The following ARHGAP15 variants were observed in gnomAD, a reference collection of about 807,000 sequenced individuals.
The protein encoded by ARHGAP15 is Rho GTPase activating protein 15.
Under a neutral mutation model 63.7 loss-of-function variants are expected in ARHGAP15, and 51 were observed. The observed-to-expected ratio is 0.80, with a 90% confidence interval of 0.64 to 1.01. The LOEUF is 1.01. Ranked by LOEUF, ARHGAP15 falls within the 50% of genes least tolerant of loss-of-function variation. The pLI is 0.00. For synonymous variants in ARHGAP15, 191 were observed against 193.8 expected (o/e 0.99, Z 0.12); for missense variants, 560 against 564.6 (o/e 0.99, Z 0.08).
chr2:143,423,169 T>C (rs982434910), intron 6 of ARHGAP15, among the ~76,000 whole-genome samples: 3 of 152,204 alleles, frequency 2.0e-5, no homozygotes, highest in South Asian at 2.1e-4. Context: ...TTCAGATAGA[T>C]GCATTGATAC....
intron 6 of ARHGAP15, among the ~76,000 whole-genome samples, chr2:143,328,580 G>C (rs776871086): frequency 6.6e-6 from 1 of 152,092 alleles, no homozygotes; most frequent in Non-Finnish European, 1.5e-5. Context: ...ACCAGAGCCT[G>C]TCAGGGGGTA....
rs1284052035 is a variant in ARHGAP15, at chr2:143,330,113, A to C, written c.474+79513A>C. 1.1e-4 allele frequency among the ~76,000 whole-genome samples: 10 copies of C among 90,448 alleles called. 1 individual carries two copies. Among genetic ancestry groups the C allele is most frequent in the African/African-American group, 4.0e-4 (10 of 25,132 alleles). The allele number at this position is 90,448 out of a possible 152,430, so 59.3% of individuals were successfully genotyped here. On this transcript the variant is annotated intron_variant, in intron 6 of 13. Coordinates refer to ENST00000295095, the MANE Select transcript of ARHGAP15 (RefSeq NM_018460.4). ...CTGTCTCAAAAAAAAAAAAAAAAAA[A>C]AAAAAAAAAAAAAAAAAACCAAAAA...
At chr2:143,331,012 C>T (rs1475369040) in intron 6 of ARHGAP15, among the ~76,000 whole-genome samples, 2 of 152,044 alleles carry the variant, frequency 1.3e-5, no homozygotes, top group African/African-American at 2.4e-5. Context: ...TAATATGGAC[C>T]TTTGAGTTGA....
intron 13 of ARHGAP15, among the ~76,000 whole-genome samples, chr2:143,742,150 C>A (rs998452599): frequency 2.0e-5 from 3 of 152,082 alleles, no homozygotes; most frequent in Non-Finnish European, 4.4e-5. Flanking sequence ...TAGGACACAC[C>A]AGAGGCAATA....
At chr2:143,657,454 C>G (rs1324309535) in intron 12 of ARHGAP15, among the ~76,000 whole-genome samples, 3 of 152,202 alleles carry the variant, frequency 2.0e-5, no homozygotes, top group Non-Finnish European at 4.4e-5. Flanking sequence ...TAGTATGTCG[C>G]TGATGTACAC....
Position 143,443,417 on chromosome 2 carries a change from G to A in ARHGAP15, c.703+6375G>A, listed in dbSNP as rs568668340. Among the ~76,000 whole-genome samples the A allele has an allele frequency of 2.5e-5, 3 of 117,810 alleles. No homozygotes were observed. The South Asian group carries it at 9.6e-4, about 38-fold the overall frequency. The allele number at this position is 117,810 out of a possible 152,430, so 77.3% of individuals were successfully genotyped here. ...GGACAAAGTTTTCTGATTTGGGTGA[G>A]AGGGTCACTCACCCTTTTTTTTTTT... On this transcript the variant is annotated intron_variant, in intron 8 of 13. Transcript: ENST00000295095.
intron 1 of ARHGAP15, among the ~76,000 whole-genome samples, chr2:143,140,058 G>A (rs1308930101): frequency 6.6e-6 from 1 of 152,098 alleles, no homozygotes; most frequent in Non-Finnish European, 1.5e-5. Context: ...AGTAGTAATT[G>A]TTTTATCAGG....
chr2:143,151,661 T>C (rs909998340), intron 1 of ARHGAP15, among the ~76,000 whole-genome samples: 3 of 151,936 alleles, frequency 2.0e-5, no homozygotes, highest in African/African-American at 7.2e-5. Flanking sequence ...AATGCTGCAG[T>C]GGGTGCTCTG....
At chr2:143,285,078 TGA>T (rs1682028203) in intron 6 of ARHGAP15, among the ~76,000 whole-genome samples, 2 of 152,168 alleles carry the variant, frequency 1.3e-5, no homozygotes. Context: ...GCAATCTTTG[TGA>T]CAAGATCGCT....
chr2:143,327,074 A>G (rs1684286045), intron 6 of ARHGAP15, among the ~76,000 whole-genome samples: 1 of 152,230 alleles, frequency 6.6e-6, no homozygotes, highest in African/African-American at 2.4e-5. Flanking sequence ...AAGTCTCAGG[A>G]TACAAAGTCA....
chr2:143,305,436 A>C (rs1683122840), intron 6 of ARHGAP15: 1 of 152,142 alleles, frequency 6.6e-6, no homozygotes, highest in African/African-American at 2.4e-5. Context: ...ACAAACCTGC[A>C]CGTTCTGCAC....
At chr2:143,572,948 C>G (rs1182014111) in intron 11 of ARHGAP15, among the ~76,000 whole-genome samples, 1 of 152,018 alleles carries the variant, frequency 6.6e-6, no homozygotes, top group East Asian at 1.9e-4. Flanking sequence ...CTCTAGATTA[C>G]AAAAATGGAA....
chr2:143,767,793 T>G (rs1439790116), intron 13 of ARHGAP15, among the ~76,000 whole-genome samples, 196 bp from the exon 14 acceptor site: 2 of 152,182 alleles, frequency 1.3e-5, no homozygotes, highest in African/African-American at 4.8e-5. Context: ...GGTAAAAAGT[T>G]GGACAAGGCA....
At chr2:143,645,900 A>G (rs1260969514) in intron 12 of ARHGAP15, among the ~76,000 whole-genome samples, 1 of 152,120 alleles carries the variant, frequency 6.6e-6, no homozygotes. Flanking sequence ...AAAATGTTCA[A>G]GATGGCATTA....
intron 8 of ARHGAP15, among the ~76,000 whole-genome samples, chr2:143,485,722 G>A (rs1340701773): frequency 2.0e-5 from 3 of 152,070 alleles, no homozygotes; most frequent in Non-Finnish European, 2.9e-5. Context: ...CACGGATGCT[G>A]TTCCATATCC....
At chr2:143,170,610 G>C (rs962038344) in intron 2 of ARHGAP15, among the ~76,000 whole-genome samples, 1 of 152,120 alleles carries the variant, frequency 6.6e-6, no homozygotes, top group Non-Finnish European at 1.5e-5. Flanking sequence ...CTAAGAGAAT[G>C]AGTGGGAATC....
chr2:143,549,947 C>G (rs1312487588), intron 10 of ARHGAP15, among the ~76,000 whole-genome samples: 1 of 152,134 alleles, frequency 6.6e-6, no homozygotes, highest in Admixed American at 6.5e-5. Flanking sequence ...CAGAGGTACC[C>G]ATGACCACTG....
intron 4 of ARHGAP15, among the ~76,000 whole-genome samples, chr2:143,220,615 AG>A (rs1692954803): frequency 6.6e-6 from 1 of 152,222 alleles, no homozygotes; most frequent in Admixed American, 6.5e-5. Context: ...TGCTTACCCA[AG>A]GAGTGTATAT....
At chr2:143,350,518 A>G (rs532210714) in intron 6 of ARHGAP15, among the ~76,000 whole-genome samples, 1 of 152,142 alleles carries the variant, frequency 6.6e-6, no homozygotes, top group African/African-American at 2.4e-5. Flanking sequence ...TTTCCAATGT[A>G]TGAAATTATA....
Sources: gnomAD v4.1 joint callset for allele counts (sites outside exome capture counted in the v4.1 genomes callset) on GRCh38, gnomAD v4.1.1 for gene constraint, MANE v1.5 for transcripts, NCBI Gene and HGNC (gene_info 2026-07-23, HGNC 2026-07-21) for gene names.